ABCC9: variants seen among roughly 807,000 people sequenced by gnomAD.
ABCC9 encodes the protein ATP binding cassette subfamily C member 9.
A neutral mutation model predicts 188.3 loss-of-function variants in ABCC9; 95 were observed. The observed-to-expected ratio is 0.50, with a 90% CI of 0.43 to 0.60. The LOEUF (loss-of-function observed/expected upper bound fraction) is 0.60. Among genes scored for constraint, ABCC9 ranks in the 20% least tolerant of loss-of-function variants. ABCC9 has a pLI of 0.00. For synonymous variants in ABCC9, 659 were observed against 652.7 expected, an observed-to-expected ratio of 1.01 and a Z score of -0.15; for missense variants, 1,102 against 1,876.3, an observed-to-expected ratio of 0.59 and a Z score of 7.62.
At chr12:21,823,234 T>C (rs1039226063) in intron 31 of ABCC9, among the ~76,000 whole-genome samples, 8 of 152,216 alleles carry the variant, frequency 5.3e-5, no homozygotes, top group African/African-American at 1.4e-4. Flanking sequence ...CACCAGAAGA[T>C]TCCCATGTCG....
chr12:21,900,821 C>T (rs1398217365), intron 12 of ABCC9, among the ~76,000 whole-genome samples: 1 of 152,164 alleles, frequency 6.6e-6, no homozygotes, highest in Non-Finnish European at 1.5e-5. Context: ...ACCAAATCTA[C>T]GTCTGATTGG....
chr12:21,825,636 T>A (rs1342166877), intron 31 of ABCC9, among the ~76,000 whole-genome samples: 1 of 148,016 alleles, frequency 6.8e-6, no homozygotes, highest in Non-Finnish European at 1.5e-5. Flanking sequence ...TACATTGGGA[T>A]CTGTCCGGGG....
intron 31 of ABCC9, among the ~76,000 whole-genome samples, chr12:21,825,469 T>C (rs1175677570): frequency 6.6e-6 from 1 of 152,072 alleles, no homozygotes; most frequent in African/African-American, 2.4e-5. Flanking sequence ...AACCATAAAA[T>C]AGGATGAGTT....
At chr12:21,829,718 C>T (rs1015345871) in intron 30 of ABCC9, among the ~76,000 whole-genome samples, 2 of 152,080 alleles carry the variant, frequency 1.3e-5, no homozygotes, top group African/African-American at 4.8e-5. Context: ...TTAAAAGGGC[C>T]TTACAAAATC....
intron 12 of ABCC9, among the ~76,000 whole-genome samples, chr12:21,898,814 A>C (rs1017657878): frequency 6.6e-6 from 1 of 152,200 alleles, no homozygotes; most frequent in Non-Finnish European, 1.5e-5. Flanking sequence ...TTTTTGTAAC[A>C]GTTGCTTTTA....
At chr12:21,836,169 G>A (rs539046728) in intron 30 of ABCC9, among the ~76,000 whole-genome samples, 13 of 152,108 alleles carry the variant, frequency 8.5e-5, no homozygotes, top group East Asian at 7.7e-4. Context: ...TCCTTGTCTC[G>A]GGCGTTAACC....
In ABCC9 at chr12:21,902,913, A is replaced by G. The variant is rs192528706; in HGVS notation, c.1618+3213T>C. 8.7e-4 allele frequency among the ~76,000 whole-genome samples: 133 copies of G among 152,336 alleles called. 1 individual carries two copies. In the East Asian group the frequency reaches 0.022, roughly 25 times the overall value. On this transcript the variant is annotated intron_variant, in intron 12 of 39. Transcript: ENST00000261200. Reference sequence around the variant, plus strand: ...TGAAACTATTCCAATCAATAGAAAAAGAGGGAATCCTCGCTAATTCATTTT... The same window carrying G: ...TGAAACTATTCCAATCAATAGAAAAGGAGGGAATCCTCGCTAATTCATTTT...
intron 22 of ABCC9, among the ~76,000 whole-genome samples, chr12:21,855,066 C>T (rs956089393): frequency 3.3e-5 from 5 of 152,242 alleles, no homozygotes; most frequent in Admixed American, 3.3e-4. Flanking sequence ...CTTCTGATTC[C>T]ATTAAAACCC....
chr12:21,912,735 T>C (rs1948377972), intron 8 of ABCC9, 137 bp downstream of exon 8: 1 of 849,356 alleles, frequency 1.2e-6, no homozygotes, highest in Non-Finnish European at 1.8e-6. Flanking sequence ...AATTACTGTT[T>C]TCTTTCTTTT....
intron 11 of ABCC9, 37 bp from the exon 12 acceptor site, chr12:21,906,325 T>A: frequency 6.4e-7 from 1 of 1,567,810 alleles, no homozygotes; most frequent in Non-Finnish European, 8.7e-7. Flanking sequence ...ACCAGCTGCA[T>A]CCAAGTGAAT....
At chr12:21,852,740 T>G (rs534534121) in intron 22 of ABCC9, among the ~76,000 whole-genome samples, 1 of 151,932 alleles carries the variant, frequency 6.6e-6, no homozygotes, top group South Asian at 2.1e-4. Context: ...AGCCTGCACA[T>G]GTACCTCTTA....
At position 21,845,140 on chromosome 12, in the gene ABCC9, A is replaced by T. The variant is rs2418014; in HGVS notation, c.3097-225T>A. On this transcript the variant is annotated intron_variant, in intron 26 of 39. Coordinates refer to ENST00000261200, the MANE Select transcript of ABCC9 (RefSeq NM_020297.4). ...CTTCACTCTCCTTCAAGGCTTGCTT[A>T]AAAGCAGATGAAGAGAAAGAGTTTG... 0.54 allele frequency among the ~76,000 whole-genome samples: 82,454 copies of T among 151,480 alleles called. 23,063 individuals are homozygous for T. Among genetic ancestry groups the T allele is most frequent in the African/African-American group, 0.64 (26,350 of 41,240 alleles).
intron 21 of ABCC9, among the ~76,000 whole-genome samples, chr12:21,859,944 G>C (rs557659843): frequency 6.6e-6 from 1 of 152,156 alleles, no homozygotes; most frequent in African/African-American, 2.4e-5. Flanking sequence ...ACACTTGCTA[G>C]GAAATGCGAG....
At chr12:21,870,257 T>C (rs1459219112) in intron 18 of ABCC9, among the ~76,000 whole-genome samples, 1 of 151,904 alleles carries the variant, frequency 6.6e-6, no homozygotes, top group Non-Finnish European at 1.5e-5. Flanking sequence ...TTCTTTAGTT[T>C]TTTGTTTTTT....
chr12:21,910,129 A>C, intron 10 of ABCC9, 28 bp downstream of exon 10: 1 of 1,595,698 alleles, frequency 6.3e-7, no homozygotes, highest in Non-Finnish European at 8.6e-7. Context: ...TCTGCAGACA[A>C]AAATCTTACT....
Position 21,861,048 on chromosome 12 carries a change from C to A in ABCC9, c.2347G>T (p.Ala783Ser). The change falls in exon 21 of 40, where the codon GCT (alanine) becomes TCT (serine). Residue 783 changes from alanine (A) to serine (S), a missense_variant. Physicochemically the swap from Ala to Ser is moderately conservative, Grantham distance 99 (BLOSUM62 1). Around this residue, in one of 12 missense-constraint regions of ABCC9, gnomAD observed 258 missense variants for 325.6 expected, o/e 0.79. Coordinates refer to ENST00000261200, the MANE Select transcript of ABCC9 (RefSeq NM_020297.4). ...TGAAGAGAACAGGCATCTGTGACAG[C>A]TTTGTACCTTTGGGAGAAATGATTT... The part of the protein sequence containing the change: ...GSPFNKQRYK[A>S]VTDACSLQPD... The A allele has an allele frequency of 6.2e-7, 1 of 1,613,148 alleles. No homozygotes were observed. Among genetic ancestry groups the A allele is most frequent in the Non-Finnish European group, 8.5e-7 (1 of 1,179,464 alleles).
At position 21,816,196 on chromosome 12, in the gene ABCC9, A is replaced by G. The variant is rs148539419; in HGVS notation, c.3893-303T>C. Among the ~76,000 whole-genome samples, 648 of 151,830 alleles carry G rather than the reference A, an allele frequency of 4.3e-3. No individual in the cohort carries two copies. Among genetic ancestry groups the G allele is most frequent in the African/African-American group, 0.015 (609 of 41,414 alleles). The stretch of plus-strand genomic sequence containing the variant: ...ATCTCTCCTTAGCATTCCGTCACTC[A>G]ATTCTATTCAAAGTGGACAGAGATA... On this transcript the variant is annotated intron_variant, in intron 33 of 39. Coordinates refer to ENST00000261200, the MANE Select transcript of ABCC9 (RefSeq NM_020297.4).
At chr12:21,836,975 G>C (rs1944136529) in intron 30 of ABCC9, among the ~76,000 whole-genome samples, 1 of 152,098 alleles carries the variant, frequency 6.6e-6, no homozygotes, top group African/African-American at 2.4e-5. Context: ...GGAAATGAAA[G>C]GCCGTGTCTT....
chr12:21,898,620 A>G (rs556196964), intron 12 of ABCC9, among the ~76,000 whole-genome samples: 34 of 152,334 alleles, frequency 2.2e-4, no homozygotes, highest in Non-Finnish European at 3.5e-4. Flanking sequence ...AGAGGAAACA[A>G]TATATAAACT....
Sources: allele counts gnomAD v4.1 joint callset (sites outside exome capture counted in the v4.1 genomes callset), GRCh38; gene constraint gnomAD v4.1.1; regional missense constraint gnomAD v4.1.1; transcripts MANE v1.5; gene names NCBI Gene and HGNC (gene_info 2026-07-23, HGNC 2026-07-21).